The following GPR158 variants were observed in gnomAD, a reference collection of about 807,000 sequenced individuals.
GPR158 encodes the protein metabotropic glycine receptor.
GPR158 carries 30 observed loss-of-function variants against 78.2 expected under a neutral mutation model. The ratio of observed to expected loss-of-function variants is 0.38; its 90% CI spans 0.29 to 0.52. GPR158 has a LOEUF of 0.52. Among genes scored for constraint, GPR158 ranks in the 20% least tolerant of loss-of-function variants. GPR158 has a pLI of 0.83. For missense variants in GPR158, 1,463 were observed against 1,523.5 expected (o/e 0.96, Z 0.66); for synonymous variants, 581 against 591.1 (o/e 0.98, Z 0.25).
At chr10:25,553,256 G>A (rs1354857547) in intron 6 of GPR158, among the ~76,000 whole-genome samples, 1 of 152,072 alleles carries the variant, frequency 6.6e-6, no homozygotes, top group Non-Finnish European at 1.5e-5. Flanking sequence ...ATTGCAATTT[G>A]GGAAACTGTG....
At chr10:25,272,817 T>G (rs894059182) in intron 2 of GPR158, among the ~76,000 whole-genome samples, 1 of 152,186 alleles carries the variant, frequency 6.6e-6, no homozygotes, top group African/African-American at 2.4e-5. Context: ...AAATGTTCCT[T>G]CAAATTGCAG....
chr10:25,316,617 A>T (rs1164298673), intron 2 of GPR158, among the ~76,000 whole-genome samples: 1 of 152,222 alleles, frequency 6.6e-6, no homozygotes, highest in African/African-American at 2.4e-5. Context: ...ACTATTGACA[A>T]TTTAACTTCA....
At chr10:25,533,776 C>T (rs1041492260) in intron 5 of GPR158, among the ~76,000 whole-genome samples, 1 of 152,140 alleles carries the variant, frequency 6.6e-6, no homozygotes, top group African/African-American at 2.4e-5. Context: ...CTACTCTGTC[C>T]TTCCTTTGTA....
chr10:25,355,461 TA>T (rs1335051714), intron 2 of GPR158, among the ~76,000 whole-genome samples: 2 of 152,116 alleles, frequency 1.3e-5, no homozygotes, highest in African/African-American at 4.8e-5. Context: ...AGAGTTTCTT[TA>T]AAAGTGCTAT....
At chr10:25,409,361 G>GA (rs1461134397) in intron 3 of GPR158, among the ~76,000 whole-genome samples, 2 of 152,070 alleles carry the variant, frequency 1.3e-5, no homozygotes, top group Admixed American at 6.6e-5. Context: ...ACTCTAACTG[G>GA]ATTATTTTTC....
chr10:25,361,732 A>G (rs927819257), intron 2 of GPR158, among the ~76,000 whole-genome samples: 2 of 151,984 alleles, frequency 1.3e-5, no homozygotes, highest in African/African-American at 4.8e-5. Flanking sequence ...AGCCAATTGT[A>G]TGTCATCTTT....
At chr10:25,528,966 T>C (rs568195998) in intron 5 of GPR158, among the ~76,000 whole-genome samples, 2 of 152,298 alleles carry the variant, frequency 1.3e-5, no homozygotes, top group East Asian at 1.9e-4. Flanking sequence ...TCTACACATA[T>C]ACTGTCAATT....
intron 1 of GPR158, among the ~76,000 whole-genome samples, chr10:25,190,330 G>GTTATTATTA (rs200716210): frequency 6.3e-4 from 96 of 151,558 alleles, no homozygotes; most frequent in African/African-American, 2.2e-3. Flanking sequence ...CATAGACATT[G>GTTATTATTA]TTATTATTAT....
At chr10:25,441,252 G>A (rs1253242047) in intron 4 of GPR158, among the ~76,000 whole-genome samples, 1 of 152,112 alleles carries the variant, frequency 6.6e-6, no homozygotes, top group Non-Finnish European at 1.5e-5. Flanking sequence ...TGCTCTGTCT[G>A]GCTACCTGCT....
At chr10:25,541,761 T>G (rs991583079) in intron 5 of GPR158, among the ~76,000 whole-genome samples, 1 of 151,788 alleles carries the variant, frequency 6.6e-6, no homozygotes, top group East Asian at 1.9e-4. Context: ...CACACAAGGT[T>G]TAGTTTAGTA....
chr10:25,574,936 T>G lies in GPR158; in HGVS notation c.1753+2049T>G, dbSNP rs150025413. On this transcript the variant is annotated intron_variant, in intron 7 of 10. Coordinates refer to ENST00000376351, the MANE Select transcript of GPR158 (RefSeq NM_020752.3). Reference sequence around the variant, plus strand: ...TGAAGGATGGGCCAGGGGCAGTGGCTCACACCTGTAATTCCAGCTACTCTA... The same window carrying G: ...TGAAGGATGGGCCAGGGGCAGTGGCGCACACCTGTAATTCCAGCTACTCTA... 2.3e-4 allele frequency among the ~76,000 whole-genome samples: 35 copies of G among 151,762 alleles called. No individual in the cohort carries two copies. In the East Asian group the frequency reaches 6.8e-3, roughly 30 times the overall value.
At chr10:25,399,121 T>G (rs1220538256) in intron 3 of GPR158, among the ~76,000 whole-genome samples, 2 of 152,164 alleles carry the variant, frequency 1.3e-5, no homozygotes, top group East Asian at 3.8e-4. Context: ...GGAAGGCACC[T>G]CTTCACAGGG....
In GPR158 at chr10:25,600,390, A is replaced by G. The variant is rs531357592; in HGVS notation, c.*1116A>G. 6.6e-6 allele frequency: 1 copy of G among 152,636 alleles called. No homozygotes were observed. Among genetic ancestry groups the G allele is most frequent in the South Asian group, 2.1e-4 (1 of 4,826 alleles). 9.5% of individuals were successfully genotyped at this position (152,636 alleles called of 1,614,324 possible). On this transcript the variant is annotated 3_prime_UTR_variant, in exon 11 of 11. Transcript: ENST00000376351. ...GGAAAGGGAAGACTCTAGGGATGAC[A>G]TAAGAATTATAGCAGTACTATAAAC...
chr10:25,200,346 A>T (rs1852904600), intron 1 of GPR158, among the ~76,000 whole-genome samples: 1 of 152,024 alleles, frequency 6.6e-6, no homozygotes, highest in African/African-American at 2.4e-5. Flanking sequence ...TCCTTTGGCC[A>T]CTTTTTAATA....
intron 2 of GPR158, among the ~76,000 whole-genome samples, chr10:25,228,643 G>A (rs67679209): frequency 0.22 from 33,644 of 152,122 alleles, 3,950 homozygotes; most frequent in South Asian, 0.28. Context: ...TAGATGAGTA[G>A]AGGCTTGGTA....
intron 2 of GPR158, among the ~76,000 whole-genome samples, chr10:25,222,253 C>A (rs571958325): frequency 3.9e-5 from 6 of 152,158 alleles, no homozygotes; most frequent in Non-Finnish European, 8.8e-5. Flanking sequence ...TCACATCCGC[C>A]ATACATTCCA....
rs772733643 is a variant in GPR158, at chr10:25,395,921, T to C, written c.1019T>C (p.Ile340Thr). 5 of 1,574,646 alleles carry C rather than the reference T, an allele frequency of 3.2e-6. No individual in the cohort carries two copies. Among genetic ancestry groups the C allele is most frequent in the Non-Finnish European group, 4.4e-6 (5 of 1,144,198 alleles). The stretch of plus-strand genomic sequence containing the variant: ...TTTTCTTCTTCATAGTGTATGCCAA[T>C]TAAAGGCCTAGGATTCGTTCTTGGA... ...CHLNNSECMP[I>T]KGLGFVLGAY... The change falls in exon 3 of 11, where the codon ATT (isoleucine) becomes ACT (threonine). Residue 340 changes from isoleucine to threonine, a missense_variant. Coordinates refer to ENST00000376351, the MANE Select transcript of GPR158 (RefSeq NM_020752.3).
intron 1 of GPR158, among the ~76,000 whole-genome samples, chr10:25,180,420 T>C (rs1332430563): frequency 6.6e-6 from 1 of 152,226 alleles, no homozygotes. Flanking sequence ...GCCTGTATAG[T>C]CTTTCCACCA....
At chr10:25,289,318 T>A (rs143378861) in intron 2 of GPR158, among the ~76,000 whole-genome samples, 29 of 152,240 alleles carry the variant, frequency 1.9e-4, no homozygotes, top group African/African-American at 6.7e-4. Flanking sequence ...TAAAGTTTAA[T>A]ATAGGAGAGG....
Sources: gnomAD v4.1 joint callset for allele counts (sites outside exome capture counted in the v4.1 genomes callset) on GRCh38, gnomAD v4.1.1 for gene constraint, MANE v1.5 for transcripts, NCBI Gene and HGNC (gene_info 2026-07-23, HGNC 2026-07-21) for gene names.